LIPA: variants seen among roughly 807,000 people sequenced by gnomAD.
The protein encoded by LIPA is lipase A, lysosomal acid type.
A neutral mutation model predicts 40.6 loss-of-function variants in LIPA; 26 were observed. The observed-to-expected ratio is 0.64, with a 90% CI of 0.47 to 0.89. LIPA has a LOEUF of 0.89. Ranked by LOEUF, LIPA falls within the 40% of genes least tolerant of loss-of-function variation. The pLI is 0.00. For synonymous variants in LIPA, 188 were observed against 168.4 expected (o/e 1.12, Z -0.90); for missense variants, 455 against 479.6 (o/e 0.95, Z 0.48).
chr10:89,263,612 G>A (rs1843221050), intron 1 of LIPA, among the ~76,000 whole-genome samples: 1 of 152,234 alleles, frequency 6.6e-6, no homozygotes, highest in South Asian at 2.1e-4. Context: ...GTTCAAAGAA[G>A]TACTGATAGC....
chr10:89,235,073 C>T (rs780425744), intron 3 of LIPA, among the ~76,000 whole-genome samples: 14 of 152,206 alleles, frequency 9.2e-5, no homozygotes, highest in Non-Finnish European at 1.9e-4. Flanking sequence ...TGAGGCCTTC[C>T]GGCTGAAGGC....
chr10:89,386,287 G>T (rs1443707554), intron 2 of LIPA, among the ~76,000 whole-genome samples: 1 of 152,204 alleles, frequency 6.6e-6, no homozygotes, highest in African/African-American at 2.4e-5. Flanking sequence ...ATGTTACTTG[G>T]ATCCTTGAAA....
At chr10:89,358,317 A>G (rs1215172545) in intron 2 of LIPA, among the ~76,000 whole-genome samples, 5 of 152,210 alleles carry the variant, frequency 3.3e-5, no homozygotes, top group African/African-American at 1.2e-4. Context: ...AGAATGGGGA[A>G]CCTTATATAC....
chr10:89,252,485 C>T (rs931072396), upstream of LIPA, among the ~76,000 whole-genome samples: 3 of 151,884 alleles, frequency 2.0e-5, no homozygotes, highest in Non-Finnish European at 4.4e-5. Context: ...CTATAAATAA[C>T]AACAAAAACA....
rs139716072 is a variant in LIPA, at chr10:89,288,721, C to T, written c.-1-41072G>A. ...AGGCTATACTATAGTATCTTCCACA[C>T]CTATCATTGAGGCTACCACTCTGCC... On this transcript the variant is annotated intron_variant, in intron 1 of 5. Transcript: ENST00000282673. Among the ~76,000 whole-genome samples the T allele has an allele frequency of 6.8e-3, 1,037 of 152,230 alleles. 11 individuals are homozygous for T. The highest frequency in any genetic ancestry group is 0.024 in the African/African-American group (992 of 41,550).
chr10:89,344,462 C>T (rs1183019009), upstream of LIPA, among the ~76,000 whole-genome samples: 2 of 152,138 alleles, frequency 1.3e-5, no homozygotes, highest in African/African-American at 4.8e-5. Flanking sequence ...GAACAAACTC[C>T]TTGCAGACGT....
At chr10:89,383,800 T>C (rs776841075) in intron 2 of LIPA, 1 of 1,614,220 alleles carries the variant, frequency 6.2e-7, no homozygotes, top group South Asian at 1.1e-5. Context: ...GGCCAAGACC[T>C]GCTTTGAAAA....
exon 2 of LIPA, chr10:89,412,811 C>T (rs761588636): frequency 2.7e-5 from 11 of 409,110 alleles, no homozygotes; most frequent in Non-Finnish European, 4.8e-5. Flanking sequence ...AAACTCCAGA[C>T]ACATCTGAAC....
intron 1 of LIPA, among the ~76,000 whole-genome samples, chr10:89,342,038 A>G (rs1843876289): frequency 6.6e-6 from 1 of 152,246 alleles, no homozygotes; most frequent in Non-Finnish European, 1.5e-5. Flanking sequence ...TACATATATT[A>G]AAACATGCTA....
intron 2 of LIPA, among the ~76,000 whole-genome samples, chr10:89,409,796 T>C (rs1279874353): frequency 1.3e-5 from 2 of 152,230 alleles, no homozygotes; most frequent in African/African-American, 4.8e-5. Flanking sequence ...TTTGCTCTTT[T>C]CACATGTCTT....
chr10:89,362,654 TTA>T, intron 2 of LIPA: 1 of 531,524 alleles, frequency 1.9e-6, no homozygotes, highest in Non-Finnish European at 3.2e-6. Flanking sequence ...AAGCCCAGAC[TTA>T]CCTGGATAAG....
intron 2 of LIPA, among the ~76,000 whole-genome samples, chr10:89,354,083 C>A (rs1461577735): frequency 1.3e-5 from 2 of 152,178 alleles, no homozygotes; most frequent in Non-Finnish European, 2.9e-5. Context: ...CGATTTCTTT[C>A]TTCTAAGGAG....
intron 3 of LIPA, among the ~76,000 whole-genome samples, chr10:89,236,908 G>T (rs1842912128): frequency 6.6e-6 from 1 of 152,164 alleles, no homozygotes; most frequent in South Asian, 2.1e-4. Context: ...AGAAGGTGAA[G>T]AATCTAAAGT....
intron 2 of LIPA, among the ~76,000 whole-genome samples, chr10:89,347,709 A>C (rs1843931910): frequency 6.6e-6 from 1 of 152,210 alleles, no homozygotes; most frequent in Non-Finnish European, 1.5e-5. Flanking sequence ...TTAATTATAA[A>C]GGTCTATCTT....
chr10:89,396,762 T>C (rs1294870369), intron 2 of LIPA, among the ~76,000 whole-genome samples: 1 of 152,248 alleles, frequency 6.6e-6, no homozygotes, highest in Non-Finnish European at 1.5e-5. Flanking sequence ...AAAATTATTA[T>C]TGTAGCCAAC....
intron 2 of LIPA, chr10:89,393,268 T>C: frequency 7.8e-7 from 1 of 1,289,678 alleles, no homozygotes; most frequent in Non-Finnish European, 1.0e-6. Flanking sequence ...GCTGGCCTCT[T>C]ACAACAGGTT....
At chr10:89,309,075 C>T (rs1373170056) in intron 1 of LIPA, 1 of 152,170 alleles carries the variant, frequency 6.6e-6, no homozygotes, top group East Asian at 1.9e-4. Context: ...AAACTTTTTC[C>T]TCAGCTTTAA....
intron 1 of LIPA, among the ~76,000 whole-genome samples, chr10:89,322,624 A>C (rs1347986924): frequency 7.3e-6 from 1 of 136,314 alleles, no homozygotes; most frequent in Non-Finnish European, 1.6e-5. Context: ...GACATTTTGG[A>C]GGGCAACTCT....
At chr10:89,313,562 C>T (rs1020674229) in intron 1 of LIPA, among the ~76,000 whole-genome samples, 4 of 152,112 alleles carry the variant, frequency 2.6e-5, no homozygotes, top group African/African-American at 7.2e-5. Context: ...AAAAGGAAAA[C>T]ATGAAAACAT....
Sources: allele counts gnomAD v4.1 joint callset (sites outside exome capture counted in the v4.1 genomes callset), GRCh38; gene constraint gnomAD v4.1.1; transcripts MANE v1.5; gene names NCBI Gene and HGNC (gene_info 2026-07-23, HGNC 2026-07-21).